CTNNA3: variants seen among roughly 807,000 people sequenced by gnomAD.
CTNNA3 encodes catenin alpha-3.
In CTNNA3, 76 loss-of-function variants were observed where a neutral mutation model predicts 95.7. The ratio of observed to expected loss-of-function variants is 0.79; its 90% CI spans 0.66 to 0.96. The LOEUF (loss-of-function observed/expected upper bound fraction) is 0.96. Ranked by LOEUF, CTNNA3 falls within the 40% of genes least tolerant of loss-of-function variation. The probability of loss-of-function intolerance (pLI) is 0.00; values close to 1 mark genes in which losing one functional copy is unlikely to be tolerated. For missense variants in CTNNA3, 1,191 were observed against 1,089.8 expected (o/e 1.09, Z -1.31); for synonymous variants, 431 against 374.4 (o/e 1.15, Z -1.74).
At chr10:67,222,997 T>A (rs934542614) in intron 5 of CTNNA3, among the ~76,000 whole-genome samples, 4 of 152,246 alleles carry the variant, frequency 2.6e-5, no homozygotes, top group Admixed American at 2.6e-4. Context: ...AAATGTATTT[T>A]GAATTTGGAG....
chr10:65,957,948 A>G (rs1448332437), intron 17 of CTNNA3, among the ~76,000 whole-genome samples: 1 of 151,988 alleles, frequency 6.6e-6, no homozygotes. Context: ...TAGGTTGGGG[A>G]AGTTCACCTG....
At chr10:67,737,685 CA>C (rs1428381892) in intron 1 of CTNNA3, among the ~76,000 whole-genome samples, 1 of 152,102 alleles carries the variant, frequency 6.6e-6, no homozygotes, top group Non-Finnish European at 1.5e-5. Context: ...CAGAGAAATG[CA>C]AATCAAAACC....
At chr10:66,252,242 T>C (rs2090588170) in intron 13 of CTNNA3, among the ~76,000 whole-genome samples, 1 of 152,212 alleles carries the variant, frequency 6.6e-6, no homozygotes, top group Non-Finnish European at 1.5e-5. Flanking sequence ...CTTTTTCTTT[T>C]TTTCTTTTAG....
intron 1 of CTNNA3, among the ~76,000 whole-genome samples, chr10:67,746,902 A>C (rs1280527287): frequency 6.6e-6 from 1 of 152,218 alleles, no homozygotes; most frequent in Admixed American, 6.5e-5. Context: ...GAAGGGCAGC[A>C]GCTATCACTG....
At chr10:66,148,728 A>ATAAG (rs1206956269) in intron 13 of CTNNA3, among the ~76,000 whole-genome samples, 1 of 151,350 alleles carries the variant, frequency 6.6e-6, no homozygotes, top group Admixed American at 6.6e-5. Context: ...AAATAAATAA[A>ATAAG]TTATCCACTC....
At chr10:66,518,661 C>T (rs1395856311) in intron 11 of CTNNA3, among the ~76,000 whole-genome samples, 1 of 151,474 alleles carries the variant, frequency 6.6e-6, no homozygotes, top group African/African-American at 2.4e-5. Flanking sequence ...AATATGCAGC[C>T]AAATATGTGT....
chr10:67,122,358 A>G (rs1461639622), intron 7 of CTNNA3, among the ~76,000 whole-genome samples: 1 of 151,592 alleles, frequency 6.6e-6, no homozygotes, highest in African/African-American at 2.4e-5. Context: ...AATAGAATAA[A>G]AGTAAAAATA....
At chr10:66,008,066 A>G (rs1322042980) in intron 15 of CTNNA3, among the ~76,000 whole-genome samples, 1 of 152,108 alleles carries the variant, frequency 6.6e-6, no homozygotes, top group South Asian at 2.1e-4. Context: ...ACATTTGAGC[A>G]TATTGAACCG....
chr10:66,961,076 T>C (rs751836313), intron 7 of CTNNA3, among the ~76,000 whole-genome samples: 5 of 152,218 alleles, frequency 3.3e-5, no homozygotes, highest in Non-Finnish European at 5.9e-5. Flanking sequence ...CAGTAATAGA[T>C]ATGCTAATTC....
intron 1 of CTNNA3, among the ~76,000 whole-genome samples, chr10:67,726,150 T>C (rs1176953802): frequency 9.3e-6 from 1 of 107,438 alleles, no homozygotes; most frequent in Non-Finnish European, 1.7e-5. Flanking sequence ...ATATTATATA[T>C]TATAATATAT....
intron 7 of CTNNA3, among the ~76,000 whole-genome samples, chr10:66,988,104 A>T (rs1850835809): frequency 6.6e-6 from 1 of 152,172 alleles, no homozygotes; most frequent in Non-Finnish European, 1.5e-5. Context: ...GAAGGAACAC[A>T]GGCTTTGAAG....
intron 5 of CTNNA3, among the ~76,000 whole-genome samples, chr10:67,509,269 G>A (rs920228236): frequency 6.6e-6 from 1 of 151,212 alleles, no homozygotes; most frequent in Non-Finnish European, 1.5e-5. Context: ...GTATACATGT[G>A]CCATGTTGGT....
chr10:67,056,836 C>A (rs1190302334), intron 7 of CTNNA3, among the ~76,000 whole-genome samples: 3 of 152,122 alleles, frequency 2.0e-5, no homozygotes, highest in Non-Finnish European at 4.4e-5. Flanking sequence ...ACTTGTATAA[C>A]CTGCATCACC....
intron 10 of CTNNA3, among the ~76,000 whole-genome samples, chr10:66,542,931 C>A (rs1252588515): frequency 6.6e-6 from 1 of 151,622 alleles, no homozygotes; most frequent in African/African-American, 2.4e-5. Context: ...TTGAAATTTG[C>A]AGACTTTAAA....
chr10:66,800,611 G>C (rs888843547), intron 7 of CTNNA3, among the ~76,000 whole-genome samples: 2 of 150,844 alleles, frequency 1.3e-5, no homozygotes, highest in Admixed American at 6.6e-5. Flanking sequence ...TAAATTTGAA[G>C]GTATTGAAAT....
At chr10:67,366,723 T>C (rs1425467438) in intron 5 of CTNNA3, among the ~76,000 whole-genome samples, 1 of 152,070 alleles carries the variant, frequency 6.6e-6, no homozygotes, top group East Asian at 1.9e-4. Context: ...CCATCTGCTC[T>C]TTGACAAAGT....
intron 7 of CTNNA3, among the ~76,000 whole-genome samples, chr10:67,069,435 G>A (rs1037702301): frequency 6.6e-6 from 1 of 152,112 alleles, no homozygotes; most frequent in Admixed American, 6.5e-5. Context: ...TGTTTTTGAA[G>A]TATAAGATTT....
At chr10:67,094,471 A>G (rs1857845288) in intron 7 of CTNNA3, among the ~76,000 whole-genome samples, 1 of 151,768 alleles carries the variant, frequency 6.6e-6, no homozygotes, top group African/African-American at 2.4e-5. Flanking sequence ...TAATTGGGGG[A>G]ACAGTGTATA....
intron 10 of CTNNA3, 88 bp downstream of exon 10, chr10:66,621,604 A>T: frequency 1.3e-6 from 1 of 751,834 alleles, no homozygotes; most frequent in Non-Finnish European, 2.1e-6. Context: ...AAAAAAAAAA[A>T]GAAAAAAAAA....
Sources: allele counts gnomAD v4.1 joint callset (sites outside exome capture counted in the v4.1 genomes callset), GRCh38; gene constraint gnomAD v4.1.1; transcripts MANE v1.5; gene names NCBI Gene and HGNC (gene_info 2026-07-23, HGNC 2026-07-21).